EIF2AK3: variants seen among roughly 807,000 people sequenced by gnomAD.
EIF2AK3 encodes eukaryotic translation initiation factor 2-alpha kinase 3.
A neutral mutation model predicts 113.5 loss-of-function variants in EIF2AK3; 50 were observed. The ratio of observed to expected loss-of-function variants is 0.44; its 90% CI spans 0.35 to 0.56. The LOEUF (loss-of-function observed/expected upper bound fraction) is 0.56, where lower values mean the gene tolerates loss of function less well. Ranked by LOEUF, EIF2AK3 falls within the 20% of genes least tolerant of loss-of-function variation. EIF2AK3 has a pLI of 0.00. For missense variants in EIF2AK3, 1,185 were observed against 1,378.0 expected, an observed-to-expected ratio of 0.86 and a Z score of 2.22; for synonymous variants, 448 against 495.4, an observed-to-expected ratio of 0.90 and a Z score of 1.27.
intron 10 of EIF2AK3, among the ~76,000 whole-genome samples, chr2:88,582,215 T>C (rs940939587): frequency 1.3e-5 from 2 of 152,224 alleles, no homozygotes; most frequent in African/African-American, 4.8e-5. Flanking sequence ...GCTACTGTGC[T>C]GGCTGGATGA....
chr2:88,609,186 C>T (rs1188421072), intron 2 of EIF2AK3, among the ~76,000 whole-genome samples: 1 of 152,118 alleles, frequency 6.6e-6, no homozygotes, highest in Admixed American at 6.5e-5. Context: ...AGTCTTCTCT[C>T]CTTGCTAATA....
At chr2:88,625,578 C>T (rs924300008) in intron 1 of EIF2AK3, among the ~76,000 whole-genome samples, 13 of 152,190 alleles carry the variant, frequency 8.5e-5, no homozygotes, top group Non-Finnish European at 1.6e-4. Flanking sequence ...TATAGGTCTT[C>T]TCGTTTCATC....
chr2:88,591,309 G>C (rs1390342129), intron 4 of EIF2AK3, among the ~76,000 whole-genome samples: 1 of 152,148 alleles, frequency 6.6e-6, no homozygotes, highest in Non-Finnish European at 1.5e-5. Flanking sequence ...CTAAGGGACA[G>C]ATTTTCTCTC....
chr2:88,569,220 A>G (rs1203958546), intron 14 of EIF2AK3, among the ~76,000 whole-genome samples: 2 of 151,988 alleles, frequency 1.3e-5, no homozygotes, highest in Non-Finnish European at 2.9e-5. Context: ...ATGAACAATG[A>G]GACCGGGCAT....
intron 3 of EIF2AK3, 40 bp downstream of exon 3, chr2:88,595,429 A>T: frequency 6.3e-7 from 1 of 1,587,468 alleles, no homozygotes; most frequent in Non-Finnish European, 8.6e-7. Context: ...ACCCTAATTT[A>T]CTCTGATTTC....
intron 8 of EIF2AK3, 36 bp from the exon 9 acceptor site, chr2:88,586,097 G>T: frequency 6.4e-7 from 1 of 1,570,644 alleles, no homozygotes; most frequent in Non-Finnish European, 8.8e-7. Flanking sequence ...TTTTTTAAAG[G>T]TAATCAAAAA....
chr2:88,589,051 C>CATTGAGTTTA, intron 6 of EIF2AK3, 150 bp from the exon 7 acceptor site: 2 of 940,558 alleles, frequency 2.1e-6, no homozygotes, highest in Non-Finnish European at 1.6e-6. Context: ...CAAAGATAAA[C>CATTGAGTTTA]TCAATGTTTA....
chr2:88,596,044 G>A (rs1675012462), intron 2 of EIF2AK3, among the ~76,000 whole-genome samples: 1 of 152,162 alleles, frequency 6.6e-6, no homozygotes, highest in African/African-American at 2.4e-5. Context: ...GTATGTTAAT[G>A]TGTAACATGA....
At chr2:88,568,425 C>T (rs574874927) in intron 14 of EIF2AK3, among the ~76,000 whole-genome samples, 35 of 152,344 alleles carry the variant, frequency 2.3e-4, no homozygotes, top group East Asian at 9.6e-4. Context: ...TTCAGCACCA[C>T]GTGCTCACAG....
In EIF2AK3 at chr2:88,627,188, G is replaced by A. The variant is rs562636422; in HGVS notation, c.87C>T (p.Ala29=). 1.7e-4 allele frequency: 246 copies of A among 1,448,438 alleles called. 1 individual carries two copies. The African/African-American group carries it at 3.2e-3, about 19-fold the overall frequency. 89.7% of individuals were successfully genotyped at this position (1,448,438 alleles called of 1,614,324 possible). Residue 29 remains alanine (A), a synonymous_variant, in exon 1 of 17, where the codon GCC becomes GCT. Coordinates refer to ENST00000303236, the MANE Select transcript of EIF2AK3 (RefSeq NM_004836.7). ...LLLGLAARTV[A]AGRARGLPAP... ...CTGGGAGGCCACGGGCGCGCCCCGCGGCCACCGTCCTTGCCGCGAGCCCCA... is the reference window on the plus strand; with the variant it reads ...CTGGGAGGCCACGGGCGCGCCCCGCAGCCACCGTCCTTGCCGCGAGCCCCA...
chr2:88,606,348 C>G (rs1297089049), intron 2 of EIF2AK3, among the ~76,000 whole-genome samples: 1 of 151,958 alleles, frequency 6.6e-6, no homozygotes, highest in African/African-American at 2.4e-5. Flanking sequence ...ATCAGTTTCT[C>G]CTTTGGTGAC....
At chr2:88,567,308 T>C (rs1236623062) in intron 14 of EIF2AK3, among the ~76,000 whole-genome samples, 1 of 152,196 alleles carries the variant, frequency 6.6e-6, no homozygotes, top group South Asian at 2.1e-4. Flanking sequence ...AATATTTGGC[T>C]TTAGCATCAC....
intron 10 of EIF2AK3, among the ~76,000 whole-genome samples, chr2:88,582,710 A>G (rs1251870031): frequency 2.0e-5 from 3 of 151,146 alleles, no homozygotes; most frequent in African/African-American, 4.9e-5. Context: ...CCCAATATAC[A>G]TATTTATCTA....
At chr2:88,619,368 CAAT>C (rs1037630604) in intron 1 of EIF2AK3, among the ~76,000 whole-genome samples, 13 of 152,178 alleles carry the variant, frequency 8.5e-5, no homozygotes, top group African/African-American at 3.1e-4. Context: ...CCTAGATGGT[CAAT>C]GTCTACAGCT....
chr2:88,575,144 T>C lies in EIF2AK3; in HGVS notation c.2339A>G (p.Asp780Gly). The C allele has an allele frequency of 1.9e-6, 3 of 1,614,134 alleles. No homozygotes were observed. The highest frequency in any genetic ancestry group is 2.5e-6 in the Non-Finnish European group (3 of 1,179,980). Reference protein sequence around the residue: ...DVEDGTMDGNDEGHSFELCPS... With the variant: ...DVEDGTMDGNGEGHSFELCPS... ...ACAAAGTTCAAAGGAGTGCCCCTCA[T>C]CATTGCCATCCATAGTCCCATCTTC... Residue 780 changes from aspartate (D) to glycine (G), a missense_variant, in exon 13 of 17, where the codon GAT (aspartate) becomes GGT (glycine). By Grantham distance (94) the Asp-to-Gly change is moderately conservative. Transcript: ENST00000303236.
intron 1 of EIF2AK3, among the ~76,000 whole-genome samples, chr2:88,615,309 ATT>A (rs1675543875): frequency 6.6e-6 from 1 of 152,352 alleles, no homozygotes; most frequent in South Asian, 2.1e-4. Flanking sequence ...ACCATCAGTC[ATT>A]CCCTACTAGA....
intron 2 of EIF2AK3, among the ~76,000 whole-genome samples, chr2:88,611,517 T>C (rs1432210768): frequency 1.3e-5 from 2 of 152,166 alleles, no homozygotes; most frequent in Non-Finnish European, 2.9e-5. Context: ...TTTTTTTTTT[T>C]CTATGAAGTA....
rs779347185 is a variant in EIF2AK3, at chr2:88,613,877, A to T, written c.309-24T>A. The stretch of plus-strand genomic sequence containing the variant: ...ACCTGTAAATATTAAAAATATTTTT[A>T]AAATTAACAGATATCTAAGATATTG... On this transcript the variant is annotated intron_variant, in intron 1 of 16. Transcript: ENST00000303236. The T allele has an allele frequency of 2.0e-5, 32 of 1,586,752 alleles. No homozygotes were observed. In the East Asian group the frequency reaches 5.2e-4, roughly 26 times the overall value.
intron 2 of EIF2AK3, among the ~76,000 whole-genome samples, chr2:88,611,191 G>A (rs915313286): frequency 3.0e-4 from 45 of 152,218 alleles, no homozygotes; most frequent in African/African-American, 1.1e-3. Context: ...ATGGAGTACA[G>A]TCAGGCAATC....
Sources: allele counts gnomAD v4.1 joint callset (sites outside exome capture counted in the v4.1 genomes callset), GRCh38; gene constraint gnomAD v4.1.1; transcripts MANE v1.5; gene names NCBI Gene and HGNC (gene_info 2026-07-23, HGNC 2026-07-21).